The following ZNF727 variants were observed in gnomAD, a reference collection of about 807,000 sequenced individuals.
ZNF727 encodes putative zinc finger protein 727.
A neutral mutation model predicts 11.5 loss-of-function variants in ZNF727; 11 were observed. That is an observed-to-expected ratio of 0.95 (90% CI 0.60 to 1.58). ZNF727 has a LOEUF of 1.58. Ranked by LOEUF, ZNF727 falls within the 40% of genes most tolerant of loss-of-function variation. The probability of loss-of-function intolerance (pLI) is 0.00; values close to 1 mark genes in which losing one functional copy is unlikely to be tolerated. For missense variants in ZNF727, 533 were observed against 581.7 expected (o/e 0.92, Z 0.86); for synonymous variants, 171 against 196.1 (o/e 0.87, Z 1.07).
chr7:64,070,684 T>C (rs1481611439), intron 3 of ZNF727, among the ~76,000 whole-genome samples: 1 of 151,996 alleles, frequency 6.6e-6, no homozygotes, highest in African/African-American at 2.4e-5. Context: ...TACCTAACAG[T>C]ATTACTTTCT....
chr7:64,051,988 G>C (rs907701966), intron 1 of ZNF727, among the ~76,000 whole-genome samples: 1 of 152,170 alleles, frequency 6.6e-6, no homozygotes, highest in African/African-American at 2.4e-5. Context: ...GCAAGGTGAA[G>C]CTCCATAGGT....
chr7:64,058,566 C>G (rs1439163025), intron 1 of ZNF727, among the ~76,000 whole-genome samples: 1 of 152,090 alleles, frequency 6.6e-6, no homozygotes, highest in African/African-American at 2.4e-5. Context: ...GTCTCTTCTA[C>G]CTGCATAGAC....
In ZNF727 at chr7:64,054,590, C is replaced by G. The variant is rs181407080; in HGVS notation, c.3+8966C>G. Reference sequence around the variant, plus strand: ...ATATTTGTTTAATGTTTGTAAAGCTCTGTTGCACGGTATAGTCATAGAATT... The same window carrying G: ...ATATTTGTTTAATGTTTGTAAAGCTGTGTTGCACGGTATAGTCATAGAATT... On this transcript the variant is annotated intron_variant, in intron 1 of 3. Coordinates refer to ENST00000456806, the MANE Select transcript of ZNF727 (RefSeq NM_001159522.3). Among the ~76,000 whole-genome samples, 318 of 152,288 alleles carry G rather than the reference C, an allele frequency of 2.1e-3. 5 individuals are homozygous for G. In the Middle Eastern group the frequency reaches 0.051, roughly 24 times the overall value.
At chr7:64,070,011 G>A (rs1584152536) in intron 3 of ZNF727, among the ~76,000 whole-genome samples, 2 of 152,086 alleles carry the variant, frequency 1.3e-5, no homozygotes, top group Admixed American at 1.3e-4. Flanking sequence ...TTTGGATAAT[G>A]TCTAAATGTA....
intron 1 of ZNF727, among the ~76,000 whole-genome samples, chr7:64,049,890 G>A (rs1283640950): frequency 6.6e-6 from 1 of 151,356 alleles, no homozygotes; most frequent in African/African-American, 2.4e-5. Context: ...AGTATTGTAA[G>A]TTTTAAGCTT....
At chr7:64,076,679 C>T (rs1173631517) in intron 3 of ZNF727, among the ~76,000 whole-genome samples, 1 of 152,112 alleles carries the variant, frequency 6.6e-6, no homozygotes, top group Admixed American at 6.5e-5. Flanking sequence ...AATGTGTGTT[C>T]TAGTATTGTT....
rs982492809 is a variant in ZNF727, at chr7:64,082,962, G to C, written c.*4413G>C. Among the ~76,000 whole-genome samples the C allele has an allele frequency of 6.6e-6, 1 of 152,018 alleles. No individual in the cohort carries two copies. The highest frequency in any genetic ancestry group is 1.5e-5 in the Non-Finnish European group (1 of 68,010). On this transcript the variant is annotated 3_prime_UTR_variant, in exon 4 of 4. Coordinates refer to ENST00000456806, the MANE Select transcript of ZNF727 (RefSeq NM_001159522.3). Reference sequence around the variant, plus strand: ...TGCAGAAGTACCACTTCCACCCCCAGTTTATTTGGACTCTTCAAAGCCAGA... The same window carrying C: ...TGCAGAAGTACCACTTCCACCCCCACTTTATTTGGACTCTTCAAAGCCAGA...
In ZNF727 at chr7:64,079,817, G is replaced by A. The variant is rs1247969357; in HGVS notation, c.*1268G>A. On this transcript the variant is annotated 3_prime_UTR_variant, in exon 4 of 4. Transcript: ENST00000456806. ...TGTTTATAGTCTTTTTCTTATTTAG[G>A]GCTTTCTTCAGAAGATCTTTTAAGG... Among the ~76,000 whole-genome samples, 1 of 151,980 alleles carries A rather than the reference G, an allele frequency of 6.6e-6. No individual in the cohort carries two copies. Among genetic ancestry groups the A allele is most frequent in the Non-Finnish European group, 1.5e-5 (1 of 67,990 alleles).
chr7:64,075,585 A>C (rs1790027733), intron 3 of ZNF727, among the ~76,000 whole-genome samples: 1 of 152,162 alleles, frequency 6.6e-6, no homozygotes, highest in African/African-American at 2.4e-5. Flanking sequence ...TTGTAGCAAC[A>C]CTGATGCAGC....
chr7:64,078,330 A>G lies in ZNF727; in HGVS notation c.1281A>G (p.Glu427=). The G allele has an allele frequency of 1.3e-6, 2 of 1,576,352 alleles. No homozygotes were observed. The highest frequency in any genetic ancestry group is 1.7e-6 in the Non-Finnish European group (2 of 1,160,790). Reference sequence around the variant, plus strand: ...TGGAAGTGAGACCTTACAAATGTGAAGAATGTGGCAAAACCTTTAAGTGGT... The same window carrying G: ...TGGAAGTGAGACCTTACAAATGTGAGGAATGTGGCAAAACCTTTAAGTGGT... ...IHMEVRPYKC[E]ECGKTFKWFP... is the part of the protein sequence containing the mutation. Residue 427 remains glutamate, a synonymous_variant, in exon 4 of 4, where the codon GAA becomes GAG. Coordinates refer to ENST00000456806, the MANE Select transcript of ZNF727 (RefSeq NM_001159522.3).
At chr7:64,067,506 G>A (rs766167127) in intron 1 of ZNF727, among the ~76,000 whole-genome samples, 1 of 152,162 alleles carries the variant, frequency 6.6e-6, no homozygotes, top group Non-Finnish European at 1.5e-5. Flanking sequence ...ATCAGTGATA[G>A]ACTGGATAAA....
intron 3 of ZNF727, among the ~76,000 whole-genome samples, chr7:64,075,344 T>C (rs528832701): frequency 6.6e-6 from 1 of 152,250 alleles, no homozygotes; most frequent in East Asian, 1.9e-4. Context: ...TCCAGTATTA[T>C]TTAAGTGCCT....
chr7:64,079,338 TGAA>T lies in ZNF727; in HGVS notation c.*793_*795del, dbSNP rs1428951343. On this transcript the variant is annotated 3_prime_UTR_variant, in exon 4 of 4. Transcript: ENST00000456806. ...CAAATGTAGTATAAAGGTAATGACT[TGAA>T]GAACATTTAATAACATCTTAGAGGG... Among the ~76,000 whole-genome samples the T allele has an allele frequency of 6.6e-6, 1 of 152,224 alleles. No homozygotes were observed. The highest frequency in any genetic ancestry group is 1.5e-5 in the Non-Finnish European group (1 of 68,040).
rs1309879791 is a variant in ZNF727, at chr7:64,045,479, C to T, written c.-143C>T. 2 of 1,173,594 alleles carry T rather than the reference C, an allele frequency of 1.7e-6. No individual in the cohort carries two copies. Among genetic ancestry groups the T allele is most frequent in the South Asian group, 1.3e-5 (1 of 76,366 alleles). 72.7% of individuals were successfully genotyped at this position (1,173,594 alleles called of 1,614,324 possible). On this transcript the variant is annotated 5_prime_UTR_variant, in exon 1 of 4. Transcript: ENST00000456806. ...GCCTTCGTCTCCTAGCTTCTAGGCTCTGAGTCCAGTACCCGTCTGTACTAT... is the reference window on the plus strand; with the variant it reads ...GCCTTCGTCTCCTAGCTTCTAGGCTTTGAGTCCAGTACCCGTCTGTACTAT...
At chr7:64,071,175 TA>T (rs540272856) in intron 3 of ZNF727, among the ~76,000 whole-genome samples, 108 of 152,226 alleles carry the variant, frequency 7.1e-4, no homozygotes, top group Admixed American at 1.6e-3. Flanking sequence ...AAAATTTTTT[TA>T]AAGAACCTTC....
chr7:64,052,455 T>C (rs938419703), intron 1 of ZNF727, among the ~76,000 whole-genome samples: 6 of 151,518 alleles, frequency 4.0e-5, no homozygotes, highest in Non-Finnish European at 8.8e-5. Context: ...CCACCATGAT[T>C]GTGAGGCCTC....
intron 1 of ZNF727, among the ~76,000 whole-genome samples, chr7:64,065,124 A>G (rs1272460511): frequency 2.0e-5 from 3 of 152,034 alleles, no homozygotes. Flanking sequence ...ATCTTGCTCC[A>G]CTTCCCCCCT....
At position 64,080,086 on chromosome 7, in the gene ZNF727, T is replaced by A. The variant is rs999963908; in HGVS notation, c.*1537T>A. ...TTCTCTCTAGCTGCCTTTAACATAT[T>A]TTTTTCTCTCATTTTGACCTTGGAG... On this transcript the variant is annotated 3_prime_UTR_variant, in exon 4 of 4. Transcript: ENST00000456806. 1.3e-5 allele frequency among the ~76,000 whole-genome samples: 2 copies of A among 152,120 alleles called. No individual in the cohort carries two copies. The highest frequency in any genetic ancestry group is 1.5e-5 in the Non-Finnish European group (1 of 68,026).
chr7:64,083,697 C>T lies in ZNF727; in HGVS notation c.*5148C>T, dbSNP rs1049399427. 2.0e-4 allele frequency among the ~76,000 whole-genome samples: 31 copies of T among 152,142 alleles called. No homozygotes were observed. Reference sequence around the variant, plus strand: ...TGGGAGAATCATGGGTTTCTAGGGTCACACATGCACTCACTGCTTTACTGG... The same window carrying T: ...TGGGAGAATCATGGGTTTCTAGGGTTACACATGCACTCACTGCTTTACTGG... On this transcript the variant is annotated 3_prime_UTR_variant, in exon 4 of 4. Coordinates refer to ENST00000456806, the MANE Select transcript of ZNF727 (RefSeq NM_001159522.3).
Sources: allele counts gnomAD v4.1 joint callset (sites outside exome capture counted in the v4.1 genomes callset), GRCh38; gene constraint gnomAD v4.1.1; transcripts MANE v1.5; gene names NCBI Gene and HGNC (gene_info 2026-07-23, HGNC 2026-07-21).